NPAS3: variants seen among roughly 807,000 people sequenced by gnomAD.
NPAS3 encodes neuronal PAS domain-containing protein 3.
In NPAS3, 14 loss-of-function variants were observed where a neutral mutation model predicts 73.1. The observed-to-expected ratio is 0.19, with a 90% confidence interval of 0.13 to 0.30. NPAS3 has a LOEUF of 0.30. NPAS3 is among the 10% of genes least tolerant of loss of function. NPAS3 has a pLI of 1.00. For missense variants in NPAS3, 1,096 were observed against 1,250.0 expected (o/e 0.88, Z 1.86); for synonymous variants, 620 against 541.5 (o/e 1.14, Z -2.01).
chr14:33,188,230 T>C (rs1433753848), intron 2 of NPAS3, among the ~76,000 whole-genome samples: 5 of 152,214 alleles, frequency 3.3e-5, no homozygotes. Context: ...TATTAGTATC[T>C]TTATTATTTC....
intron 2 of NPAS3, among the ~76,000 whole-genome samples, chr14:33,088,158 T>G (rs1388093448): frequency 6.6e-6 from 1 of 152,128 alleles, no homozygotes; most frequent in African/African-American, 2.4e-5. Flanking sequence ...AGGTACTGGG[T>G]TCATCTCACT....
intron 7 of NPAS3, among the ~76,000 whole-genome samples, chr14:33,767,856 T>C (rs2062515525): frequency 6.6e-6 from 1 of 152,196 alleles, no homozygotes; most frequent in Non-Finnish European, 1.5e-5. Context: ...GTCTTTGTGA[T>C]GGGCCTGTTT....
At chr14:32,944,808 T>G (rs1169892098) in intron 1 of NPAS3, among the ~76,000 whole-genome samples, 1 of 152,262 alleles carries the variant, frequency 6.6e-6, no homozygotes. Context: ...GTTGAAGTTT[T>G]CTGTATACAT....
At chr14:33,655,409 C>T (rs2059118337) in intron 5 of NPAS3, among the ~76,000 whole-genome samples, 1 of 137,156 alleles carries the variant, frequency 7.3e-6, no homozygotes, top group Non-Finnish European at 1.5e-5. Flanking sequence ...ATGCATGTGG[C>T]TTTGTGAAAT....
chr14:33,122,343 T>G (rs967136312), intron 2 of NPAS3, among the ~76,000 whole-genome samples: 8 of 152,176 alleles, frequency 5.3e-5, no homozygotes, highest in African/African-American at 1.9e-4. Context: ...ACCATCACCT[T>G]TCTCCAGAAG....
At chr14:32,962,763 A>G (rs1257017156) in intron 1 of NPAS3, among the ~76,000 whole-genome samples, 2 of 151,040 alleles carry the variant, frequency 1.3e-5, no homozygotes, top group Non-Finnish European at 1.5e-5. Context: ...GGGTTTCACC[A>G]TGTTGGTCAG....
intron 4 of NPAS3, among the ~76,000 whole-genome samples, chr14:33,414,269 C>A (rs2048056139): frequency 6.6e-6 from 1 of 152,028 alleles, no homozygotes; most frequent in African/African-American, 2.4e-5. Context: ...TGTGAGTCAG[C>A]AAAATATAAG....
chr14:33,652,483 A>G (rs2059022582), intron 5 of NPAS3, among the ~76,000 whole-genome samples: 1 of 152,218 alleles, frequency 6.6e-6, no homozygotes, highest in African/African-American at 2.4e-5. Context: ...TTAAATAAAT[A>G]TAGCTCCTAA....
In NPAS3 at chr14:33,710,648, C is replaced by T. The variant is rs2060792697; in HGVS notation, c.734-24566C>T. The stretch of plus-strand genomic sequence containing the variant: ...GGGGAGACACATCCAGACAGTGGGT[C>T]CCCGGAGAAAGGAAAAAGGAGTGCC... On this transcript the variant is annotated intron_variant, in intron 6 of 11. Coordinates refer to ENST00000356141, the Ensembl canonical transcript of NPAS3. Among the ~76,000 whole-genome samples, 4 of 152,142 alleles carry T rather than the reference C, an allele frequency of 2.6e-5. No individual in the cohort carries two copies. The South Asian group carries it at 6.2e-4, about 24-fold the overall frequency.
chr14:33,467,659 G>C (rs911684519), intron 4 of NPAS3, among the ~76,000 whole-genome samples: 5 of 152,276 alleles, frequency 3.3e-5, no homozygotes, highest in Admixed American at 6.5e-5. Context: ...TTTTGGCCTC[G>C]TCTAGGCAAA....
intron 4 of NPAS3, among the ~76,000 whole-genome samples, chr14:33,449,026 T>C (rs932795693): frequency 6.6e-5 from 10 of 152,044 alleles, no homozygotes; most frequent in African/African-American, 2.4e-4. Flanking sequence ...GAGAAGGGAT[T>C]TTTCAAAAAG....
chr14:33,601,036 C>T (rs1274713300), intron 5 of NPAS3, among the ~76,000 whole-genome samples: 1 of 152,048 alleles, frequency 6.6e-6, no homozygotes, highest in African/African-American at 2.4e-5. Context: ...TGCTTCTGCC[C>T]CAGCCAGCAC....
At chr14:33,390,822 G>A (rs544259371) in intron 4 of NPAS3, among the ~76,000 whole-genome samples, 55 of 152,032 alleles carry the variant, frequency 3.6e-4, no homozygotes, top group African/African-American at 1.3e-3. Context: ...AGATACTTGT[G>A]TATTTTTTAT....
intron 5 of NPAS3, chr14:33,586,019 C>T (rs187458987): frequency 6.6e-6 from 1 of 152,038 alleles, no homozygotes; most frequent in East Asian, 1.9e-4. Flanking sequence ...TCTCCTGCTG[C>T]CATTTAGAAT....
In NPAS3 at chr14:33,287,925, T is replaced by C. The variant is rs150964067; in HGVS notation, c.385+72499T>C. Among the ~76,000 whole-genome samples the C allele has an allele frequency of 3.6e-3, 548 of 152,306 alleles. 2 individuals are homozygous for C. The highest frequency in any genetic ancestry group is 0.011 in the African/African-American group (477 of 41,570). On this transcript the variant is annotated intron_variant, in intron 3 of 11. Transcript: ENST00000356141. Reference sequence around the variant, plus strand: ...TACTTGTCAACTTATTGTTTTATTATGTTTGCAAGTAACTTTGTGTATGCA... The same window carrying C: ...TACTTGTCAACTTATTGTTTTATTACGTTTGCAAGTAACTTTGTGTATGCA...
intron 7 of NPAS3, among the ~76,000 whole-genome samples, chr14:33,765,557 G>T (rs1319533667): frequency 6.6e-6 from 1 of 152,122 alleles, no homozygotes; most frequent in East Asian, 1.9e-4. Context: ...CAGGAAATAT[G>T]CCCTGATCCC....
At chr14:33,039,513 T>C (rs2040280152) in intron 1 of NPAS3, among the ~76,000 whole-genome samples, 1 of 152,132 alleles carries the variant, frequency 6.6e-6, no homozygotes, top group African/African-American at 2.4e-5. Flanking sequence ...GCAGCAACAG[T>C]GGGCCCTCGC....
intron 4 of NPAS3, among the ~76,000 whole-genome samples, chr14:33,554,901 C>G (rs2055285249): frequency 6.6e-6 from 1 of 152,166 alleles, no homozygotes; most frequent in Non-Finnish European, 1.5e-5. Flanking sequence ...AGGAAGTAAC[C>G]TCATCATTTG....
At chr14:33,624,569 GT>G (rs11354235) in intron 5 of NPAS3, among the ~76,000 whole-genome samples, 9,970 of 141,264 alleles carry the variant, frequency 0.071, 670 homozygotes, top group African/African-American at 0.18. Flanking sequence ...GAACTATGTA[GT>G]TTTTTTTTTT....
Sources: allele counts gnomAD v4.1 joint callset (sites outside exome capture counted in the v4.1 genomes callset), GRCh38; gene constraint gnomAD v4.1.1; transcripts MANE v1.5; gene names NCBI Gene and HGNC (gene_info 2026-07-23, HGNC 2026-07-21).